Variants in RELN observed in about 807,000 individuals in gnomAD.
RELN encodes reelin.
RELN carries 108 observed loss-of-function variants against 427.6 expected under a neutral mutation model. That is an observed-to-expected ratio of 0.25 (90% CI 0.22 to 0.30). The LOEUF (loss-of-function observed/expected upper bound fraction) is 0.30. RELN is among the 10% of genes least tolerant of loss of function. The probability of loss-of-function intolerance (pLI) is 1.00; values close to 1 mark genes in which losing one functional copy is unlikely to be tolerated. For synonymous variants in RELN, 1,524 were observed against 1,513.4 expected, an observed-to-expected ratio of 1.01 and a Z score of -0.16; for missense variants, 3,715 against 4,302.8, an observed-to-expected ratio of 0.86 and a Z score of 3.82.
chr7:103,963,418 A>C (rs1340479086), intron 1 of RELN, among the ~76,000 whole-genome samples: 1 of 152,180 alleles, frequency 6.6e-6, no homozygotes, highest in African/African-American at 2.4e-5. Context: ...AATGAAGTTC[A>C]CTTCAGATGT....
chr7:103,475,598 T>G (rs958464374), intron 64 of RELN, among the ~76,000 whole-genome samples: 1 of 152,208 alleles, frequency 6.6e-6, no homozygotes, highest in Non-Finnish European at 1.5e-5. Flanking sequence ...ACTCAAGATA[T>G]TTTGTTATCT....
intron 27 of RELN, among the ~76,000 whole-genome samples, chr7:103,592,634 A>G (rs1831445526): frequency 6.6e-6 from 1 of 152,212 alleles, no homozygotes; most frequent in South Asian, 2.1e-4. Flanking sequence ...TGCTTGAAAT[A>G]TTTAACACTA....
intron 31 of RELN, among the ~76,000 whole-genome samples, chr7:103,567,611 G>T (rs889582659): frequency 2.6e-5 from 4 of 151,972 alleles, no homozygotes. Context: ...CTTTATACCC[G>T]CTTCTTTGGT....
At chr7:103,616,693 C>A (rs536785792) in intron 20 of RELN, among the ~76,000 whole-genome samples, 1 of 152,096 alleles carries the variant, frequency 6.6e-6, no homozygotes, top group East Asian at 1.9e-4. Context: ...ATTATGAAAT[C>A]ATAATAAATA....
At chr7:103,577,622 G>A (rs536207547) in intron 28 of RELN, among the ~76,000 whole-genome samples, 6 of 150,458 alleles carry the variant, frequency 4.0e-5, no homozygotes, top group Non-Finnish European at 8.8e-5. Flanking sequence ...TCCTTCCCTT[G>A]GAGCTGTAAC....
At chr7:103,482,734 G>T in intron 63 of RELN, 139 bp downstream of exon 63, 1 of 1,532,388 alleles carries the variant, frequency 6.5e-7, no homozygotes, top group Non-Finnish European at 8.8e-7. Flanking sequence ...GCTTGCAGTT[G>T]CAAAAGAGTG....
chr7:103,489,768 A>G lies in RELN; in HGVS notation c.9737T>C (p.Ile3246Thr), dbSNP rs1446823423. The G allele has an allele frequency of 6.2e-7, 1 of 1,613,994 alleles. No homozygotes were observed. The highest frequency in any genetic ancestry group is 8.5e-7 in the Non-Finnish European group (1 of 1,180,008). ...TTGGAAGCTCTCGTCGCAGATGCAG[A>G]TGGCACCGGTCGTGCAGTATCCGTG... ...SGHGYCTTGA[I>T]CICDESFQGD... Residue 3246 changes from isoleucine to threonine, a missense_variant, in exon 60 of 65, where the codon ATC becomes ACC. Transcript: ENST00000428762.
In RELN at chr7:103,572,678, A is replaced by G. The variant is rs140862988; in HGVS notation, c.4512-418T>C. 4.0e-3 allele frequency among the ~76,000 whole-genome samples: 610 copies of G among 151,986 alleles called. 5 individuals carry two copies. The highest frequency in any genetic ancestry group is 0.014 in the African/African-American group (588 of 41,496). On this transcript the variant is annotated intron_variant, in intron 30 of 64. Transcript: ENST00000428762. ...CAGCATCCCGAGTAGCTGGGACTACAGGTGCCCGCCACCACGCCTGGCTAA... is the reference window on the plus strand; with the variant it reads ...CAGCATCCCGAGTAGCTGGGACTACGGGTGCCCGCCACCACGCCTGGCTAA...
intron 57 of RELN, among the ~76,000 whole-genome samples, chr7:103,492,311 G>C (rs1187755501): frequency 1.3e-5 from 2 of 152,088 alleles, no homozygotes; most frequent in African/African-American, 2.4e-5. Context: ...TGGCCAAAAA[G>C]AAAGTAACAT....
At chr7:103,687,668 T>A (rs749156718) in intron 10 of RELN, among the ~76,000 whole-genome samples, 2 of 152,134 alleles carry the variant, frequency 1.3e-5, no homozygotes, top group Non-Finnish European at 2.9e-5. Context: ...ATAGAAACTG[T>A]AACTATGTTT....
At chr7:103,561,314 G>A (rs1372188918) in intron 36 of RELN, among the ~76,000 whole-genome samples, 2 of 152,126 alleles carry the variant, frequency 1.3e-5, no homozygotes, top group African/African-American at 2.4e-5. Context: ...AGTAAGGAAG[G>A]TCTGATCACC....
At position 103,540,275 on chromosome 7, in the gene RELN, G is replaced by T; in HGVS notation, c.6852C>A (p.Ala2284=). ...AGCGAAGGCGAGTAGAACCAGAACG[G>T]GCTTTCAAGGGTATCTCCAGGGCAA... ...RYIALEIPLK[A]RSGSTRLRWW... The change falls in exon 44 of 65, where the codon GCC becomes GCA. Residue 2284 remains alanine, a synonymous_variant. Coordinates refer to ENST00000428762, the MANE Select transcript of RELN (RefSeq NM_005045.4). The T allele has an allele frequency of 6.2e-7, 1 of 1,614,186 alleles. No individual in the cohort carries two copies. The highest frequency in any genetic ancestry group is 8.5e-7 in the Non-Finnish European group (1 of 1,180,038).
At position 103,519,460 on chromosome 7, in the gene RELN, G is replaced by A. The variant is rs2117085893; in HGVS notation, c.7725C>T (p.Ile2575=). 1 of 1,613,462 alleles carries A rather than the reference G, an allele frequency of 6.2e-7. No homozygotes were observed. The highest frequency in any genetic ancestry group is 8.5e-7 in the Non-Finnish European group (1 of 1,179,508). The part of the protein sequence containing the change: ...VDLNLTNAEF[I]QFYFMYGCLI... ...GGCACCCATACATGAAGTAAAATTG[G>A]ATGAACTCAGCATTAGTGAGGTTTA... Residue 2575 remains isoleucine (I), a synonymous_variant, in exon 49 of 65, where the codon ATC becomes ATT. Transcript: ENST00000428762.
chr7:103,578,348 A>G (rs1049491819), intron 28 of RELN, among the ~76,000 whole-genome samples: 4 of 152,198 alleles, frequency 2.6e-5, no homozygotes, highest in Admixed American at 1.3e-4. Flanking sequence ...GAAAAACACC[A>G]AAAGACTAAT....
chr7:103,906,661 C>T (rs545301348), intron 2 of RELN, among the ~76,000 whole-genome samples: 2 of 152,240 alleles, frequency 1.3e-5, no homozygotes, highest in East Asian at 3.9e-4. Flanking sequence ...CTGGAATTGA[C>T]ATGTCTCAAT....
At chr7:103,961,303 C>T (rs923388710) in intron 1 of RELN, among the ~76,000 whole-genome samples, 2 of 152,102 alleles carry the variant, frequency 1.3e-5, no homozygotes, top group African/African-American at 2.4e-5. Flanking sequence ...AAGTTATGGT[C>T]AGCCATCTGA....
At chr7:103,644,965 G>T (rs978456525) in intron 16 of RELN, among the ~76,000 whole-genome samples, 3 of 151,598 alleles carry the variant, frequency 2.0e-5, no homozygotes, top group African/African-American at 7.3e-5. Context: ...AAGAGATTGG[G>T]ATCCTATTTT....
At chr7:103,900,441 A>G (rs1429041670) in intron 2 of RELN, among the ~76,000 whole-genome samples, 2 of 152,024 alleles carry the variant, frequency 1.3e-5, no homozygotes, top group East Asian at 3.9e-4. Flanking sequence ...AATTGGAAAT[A>G]AACTACTTTA....
Position 103,500,905 on chromosome 7 carries a change from A to T in RELN, c.8507T>A (p.Phe2836Tyr). Residue 2836 changes from phenylalanine (F) to tyrosine (Y), a missense_variant, in exon 53 of 65, where the codon TTC (phenylalanine) becomes TAC (tyrosine). Phe to Tyr is a conservative substitution (Grantham distance 22). Transcript: ENST00000428762. ...CTGCATGTCTGAGTACTTCTGATAGAACCTAAACCTTACCGGACTATTGAC... is the reference window on the plus strand; with the variant it reads ...CTGCATGTCTGAGTACTTCTGATAGTACCTAAACCTTACCGGACTATTGAC... The part of the protein sequence containing the change: ...SLVGNPVRFR[F>Y]YQKYSDMQWA... 1 of 1,614,106 alleles carries T rather than the reference A, an allele frequency of 6.2e-7. No homozygotes were observed.
Sources: gnomAD v4.1 joint callset for allele counts (sites outside exome capture counted in the v4.1 genomes callset) on GRCh38, gnomAD v4.1.1 for gene constraint, MANE v1.5 for transcripts, NCBI Gene and HGNC (gene_info 2026-07-23, HGNC 2026-07-21) for gene names.